The following ZNF90 variants were observed in gnomAD, a reference collection of about 807,000 sequenced individuals.
ZNF90 encodes zinc finger protein HTF9.
Under a neutral mutation model 12.0 loss-of-function variants are expected in ZNF90, and 11 were observed. That is an observed-to-expected ratio of 0.92 (90% CI 0.58 to 1.52). ZNF90 has a LOEUF of 1.52. Among genes scored for constraint, ZNF90 ranks in the 40% most tolerant of loss-of-function variants. The pLI, the probability that ZNF90 is intolerant of heterozygous loss-of-function variation, is 0.00. For missense variants in ZNF90, 765 were observed against 711.5 expected, an observed-to-expected ratio of 1.08 and a Z score of -0.86; for synonymous variants, 232 against 240.1, an observed-to-expected ratio of 0.97 and a Z score of 0.31.
At chr19:20,109,620 TC>T (rs35849796) in intron 3 of ZNF90, among the ~76,000 whole-genome samples, 1 of 152,036 alleles carries the variant, frequency 6.6e-6, no homozygotes, top group South Asian at 2.1e-4. Flanking sequence ...TCGTCTGTAA[TC>T]CCAGGACTTC....
At chr19:20,078,332 T>A (rs546056675) in intron 1 of ZNF90, among the ~76,000 whole-genome samples, 197 bp downstream of exon 1, 15 of 151,904 alleles carry the variant, frequency 9.9e-5, no homozygotes, top group African/African-American at 1.5e-4. Flanking sequence ...CGGCGTCCTG[T>A]CTCTTCCCTG....
rs1555706242 is a variant in ZNF90 at position 20,119,074 on chromosome 19, A to C, written c.1520A>C (p.Asn507Thr). ...CATAAGATAATTCACAGTGGAGAGA[A>C]TCCCTACAAATGTGAAGAATGTGGC... The part of the protein sequence containing the change: ...STHKIIHSGE[N>T]PYKCEECGKA... The change falls in exon 4 of 4, where the codon AAT (asparagine) becomes ACT (threonine). Residue 507 changes from asparagine (N) to threonine (T), a missense_variant. By Grantham distance (65) the Asn-to-Thr change is moderately conservative. Coordinates refer to ENST00000418063, the MANE Select transcript of ZNF90 (RefSeq NM_007138.2). 1 of 1,612,136 alleles carries C rather than the reference A, an allele frequency of 6.2e-7. No homozygotes were observed. Among genetic ancestry groups the C allele is most frequent in the African/African-American group, 1.3e-5 (1 of 74,806 alleles).
chr19:20,100,028 C>G (rs1489466018), intron 1 of ZNF90, among the ~76,000 whole-genome samples: 2 of 151,982 alleles, frequency 1.3e-5, no homozygotes, highest in Non-Finnish European at 2.9e-5. Context: ...GATACTGAAG[C>G]CAAAAGAGCT....
At chr19:20,111,299 T>A (rs2089086679) in intron 3 of ZNF90, among the ~76,000 whole-genome samples, 1 of 152,172 alleles carries the variant, frequency 6.6e-6, no homozygotes, top group Non-Finnish European at 1.5e-5. Context: ...GGCTCAGTGC[T>A]ACCCAAACCT....
rs73536227 is a variant in ZNF90, at chr19:20,078,014, T to G, written c.-119T>G. 1.5e-6 allele frequency: 2 copies of G among 1,338,174 alleles called. No individual in the cohort carries two copies. The highest frequency in any genetic ancestry group is 1.2e-5 in the South Asian group (1 of 85,302). 82.9% of individuals were successfully genotyped at this position (1,338,174 alleles called of 1,614,324 possible). A position where few individuals can be genotyped will look rare whatever the true frequency, so the allele number is the denominator to read the frequency against. The stretch of plus-strand genomic sequence containing the variant: ...TTTGGCGCGGCCATTTGTCTCTTGC[T>G]GCAGCTGGTGCTCCAAATCTGGTCT... On this transcript the variant is annotated 5_prime_UTR_variant, in exon 1 of 4. Transcript: ENST00000418063.
intron 3 of ZNF90, among the ~76,000 whole-genome samples, chr19:20,107,677 G>A (rs1365587711): frequency 3.3e-5 from 5 of 152,040 alleles, no homozygotes; most frequent in Admixed American, 2.6e-4. Flanking sequence ...ATGAAAATAG[G>A]ACAATTTAAC....
chr19:20,106,046 T>A (rs975812267), intron 3 of ZNF90, among the ~76,000 whole-genome samples: 1,303 of 124,840 alleles, frequency 0.01, 14 homozygotes, highest in South Asian at 0.025. Context: ...AATTTTTTCT[T>A]TTTTTTTTTT....
chr19:20,087,890 C>T (rs1205699444), intron 1 of ZNF90, among the ~76,000 whole-genome samples: 7 of 151,904 alleles, frequency 4.6e-5, no homozygotes, highest in Admixed American at 4.6e-4. Flanking sequence ...ATGGGGGTCG[C>T]AAGGTGCTCA....
At chr19:20,089,684 A>G (rs1055688073) in intron 1 of ZNF90, among the ~76,000 whole-genome samples, 1 of 152,136 alleles carries the variant, frequency 6.6e-6, no homozygotes, top group Admixed American at 6.5e-5. Context: ...CTGATGTGAA[A>G]TGTCTGGGGA....
At chr19:20,105,143 C>A in intron 2 of ZNF90, 78 bp from the exon 3 acceptor site, 1 of 1,078,594 alleles carries the variant, frequency 9.3e-7, no homozygotes, top group Non-Finnish European at 1.3e-6. Context: ...TTTATCACAT[C>A]TTCTCTGCTG....
chr19:20,094,148 TTC>T (rs1555703025), intron 1 of ZNF90, among the ~76,000 whole-genome samples: 1 of 152,210 alleles, frequency 6.6e-6, no homozygotes, highest in Non-Finnish European at 1.5e-5. Context: ...CATTCTGAAG[TTC>T]TCCTATGCAG....
intron 1 of ZNF90, among the ~76,000 whole-genome samples, chr19:20,099,461 T>C (rs1276482994): frequency 6.6e-6 from 1 of 152,212 alleles, no homozygotes; most frequent in East Asian, 1.9e-4. Context: ...TATCATCCTG[T>C]CCTGAAGGGA....
At chr19:20,104,500 A>T (rs2089015230) in intron 2 of ZNF90, 135 bp downstream of exon 2, 1 of 1,097,516 alleles carries the variant, frequency 9.1e-7, no homozygotes, top group Non-Finnish European at 1.2e-6. Context: ...AATCTTCAGA[A>T]TTTCTTTTAG....
At chr19:20,113,178 ATTTTTTTTTC>A (rs1179063174) in intron 3 of ZNF90, among the ~76,000 whole-genome samples, 2 of 148,104 alleles carry the variant, frequency 1.4e-5, no homozygotes, top group African/African-American at 2.5e-5. Flanking sequence ...ACGGTTTTTT[ATTTTTTTTTC>A]TTTTTTTTTT....
chr19:20,116,920 C>A (rs1432245517), intron 3 of ZNF90, among the ~76,000 whole-genome samples: 1 of 149,782 alleles, frequency 6.7e-6, no homozygotes, highest in Non-Finnish European at 1.5e-5. Flanking sequence ...AGACATTAAC[C>A]AGTGTCTAAG....
chr19:20,114,018 C>G (rs919604123), intron 3 of ZNF90, among the ~76,000 whole-genome samples: 5 of 151,980 alleles, frequency 3.3e-5, no homozygotes, highest in Non-Finnish European at 5.9e-5. Flanking sequence ...CTAGGCCGGG[C>G]GGGGTGGCTT....
At chr19:20,095,247 A>T (rs1158006161) in intron 1 of ZNF90, among the ~76,000 whole-genome samples, 2 of 152,126 alleles carry the variant, frequency 1.3e-5, no homozygotes, top group African/African-American at 4.8e-5. Context: ...ACCTCAGACC[A>T]TTTGCCCATT....
At chr19:20,097,105 A>G (rs560835786) in intron 1 of ZNF90, among the ~76,000 whole-genome samples, 80 of 152,320 alleles carry the variant, frequency 5.3e-4, no homozygotes, top group South Asian at 2.1e-3. Context: ...CCATCTTTCT[A>G]TCTTTGCAGT....
chr19:20,114,543 A>C (rs1179756603), intron 3 of ZNF90, among the ~76,000 whole-genome samples: 2 of 152,202 alleles, frequency 1.3e-5, no homozygotes, highest in African/African-American at 4.8e-5. Flanking sequence ...TTATCTTAAT[A>C]ATTGTTAGAA....
Sources: allele counts gnomAD v4.1 joint callset (sites outside exome capture counted in the v4.1 genomes callset), GRCh38; gene constraint gnomAD v4.1.1; transcripts MANE v1.5; gene names NCBI Gene and HGNC (gene_info 2026-07-23, HGNC 2026-07-21).